The following WDR12 variants were observed in gnomAD, a reference collection of about 807,000 sequenced individuals.
WDR12 encodes ribosome biogenesis protein WDR12.
A neutral mutation model predicts 64.3 loss-of-function variants in WDR12; 42 were observed. The ratio of observed to expected loss-of-function variants is 0.65; its 90% CI spans 0.51 to 0.84. The LOEUF (loss-of-function observed/expected upper bound fraction) is 0.84, where lower values mean the gene tolerates loss of function less well. Ranked by LOEUF, WDR12 falls within the 40% of genes least tolerant of loss-of-function variation. WDR12 has a pLI of 0.00. For synonymous variants in WDR12, 158 were observed against 173.3 expected (o/e 0.91, Z 0.70); for missense variants, 469 against 494.6 (o/e 0.95, Z 0.49).
intron 8 of WDR12, among the ~76,000 whole-genome samples, chr2:202,886,429 C>T (rs754882391): frequency 2.0e-5 from 3 of 150,960 alleles, no homozygotes; most frequent in Non-Finnish European, 3.0e-5. Flanking sequence ...CTGCACTCTA[C>T]CCTGGGCAAC....
intron 1 of WDR12, 66 bp from the exon 2 acceptor site, chr2:202,908,025 AT>A (rs1487527271): frequency 7.1e-7 from 1 of 1,406,260 alleles, no homozygotes; most frequent in African/African-American, 1.4e-5. Flanking sequence ...GCTTTTACGA[AT>A]TCAACATACA....
Position 202,880,097 on chromosome 2 carries a change from TTC to T in WDR12, c.*761_*762del, listed in dbSNP as rs1167031675. Reference sequence around the variant, plus strand: ...ACAGCCTAATTTTCTTGAACATTTATTCTGCCAAAAGGAACTGAATTTCTAAC... The same window carrying T: ...ACAGCCTAATTTTCTTGAACATTTATTGCCAAAAGGAACTGAATTTCTAAC... On this transcript the variant is annotated 3_prime_UTR_variant, in exon 13 of 13. Transcript: ENST00000261015. 1 of 152,212 alleles carries T rather than the reference TTC, an allele frequency of 6.6e-6. No homozygotes were observed. Among genetic ancestry groups the T allele is most frequent in the African/African-American group, 2.4e-5 (1 of 41,462 alleles). 9.4% of individuals were successfully genotyped at this position (152,212 alleles called of 1,614,324 possible).
intron 8 of WDR12, among the ~76,000 whole-genome samples, chr2:202,890,798 A>G (rs1315317063): frequency 6.7e-6 from 1 of 148,292 alleles, no homozygotes; most frequent in Non-Finnish European, 1.5e-5. Context: ...TTTTTTTTTC[A>G]TTGAGCAACA....
At chr2:202,907,137 C>T (rs1297020349) in intron 2 of WDR12, among the ~76,000 whole-genome samples, 5 of 151,896 alleles carry the variant, frequency 3.3e-5, no homozygotes, top group South Asian at 2.1e-4. Flanking sequence ...TTAGTAGAGA[C>T]GGGGTTTCAC....
At chr2:202,897,775 G>A (rs558922902) in intron 4 of WDR12, among the ~76,000 whole-genome samples, 30 of 148,588 alleles carry the variant, frequency 2.0e-4, no homozygotes, top group African/African-American at 5.9e-4. Context: ...TGTAGTCTCA[G>A]CTACTCAGGA....
chr2:202,874,610 G>A lies in WDR12; in HGVS notation c.*6250C>T, dbSNP rs577632481. ...TAAGGATTAGAGGTCTATTGAATCT[G>A]ACATCACACAAAAAGCTCTATTTCT... On this transcript the variant is annotated 3_prime_UTR_variant, in exon 13 of 13. Transcript: ENST00000261015. Among the ~76,000 whole-genome samples the A allele has an allele frequency of 1.4e-4, 21 of 152,300 alleles. No individual in the cohort carries two copies. Among genetic ancestry groups the A allele is most frequent in the Non-Finnish European group, 2.6e-4 (18 of 68,028 alleles).
intron 8 of WDR12, 23 bp downstream of exon 8, chr2:202,892,594 A>C (rs1225502682): frequency 1.2e-5 from 19 of 1,565,788 alleles, no homozygotes; most frequent in Non-Finnish European, 1.5e-5. Context: ...AGGCAAGTAC[A>C]GTCAGTTCTC....
Position 202,882,741 on chromosome 2 carries a change from T to C in WDR12, c.1164A>G (p.Lys388=). 6.2e-7 allele frequency: 1 copy of C among 1,614,106 alleles called. No homozygotes were observed. The highest frequency in any genetic ancestry group is 8.5e-7 in the Non-Finnish European group (1 of 1,179,958). ...TGTCTGTCCAGTCTACACTCAGAAC[T>C]TTGTCTTCATGAGCAGCCAGATCAT... ...PLYDLAAHED[K]VLSVDWTDTG... is the part of the protein sequence containing the mutation. The change falls in exon 12 of 13, where the codon AAA becomes AAG. Residue 388 remains lysine (K), a synonymous_variant. Coordinates refer to ENST00000261015, the MANE Select transcript of WDR12 (RefSeq NM_018256.4).
At chr2:202,895,698 T>A (rs1250075539) in intron 6 of WDR12, among the ~76,000 whole-genome samples, 5 of 149,906 alleles carry the variant, frequency 3.3e-5, no homozygotes, top group Admixed American at 2.0e-4. Context: ...TATTTTTTTT[T>A]TTTTTTTTTT....
chr2:202,890,464 A>G (rs1401771515), intron 8 of WDR12, among the ~76,000 whole-genome samples: 2 of 152,188 alleles, frequency 1.3e-5, no homozygotes, highest in Non-Finnish European at 2.9e-5. Flanking sequence ...TTGAGTATAC[A>G]TATTTATAAA....
At chr2:202,882,579 T>C (rs1687974230) in intron 12 of WDR12, 132 bp downstream of exon 12, 9 of 778,220 alleles carry the variant, frequency 1.2e-5, no homozygotes, top group Non-Finnish European at 1.7e-5. Context: ...CTGCCCACCT[T>C]GGCCTCCCAA....
At chr2:202,907,834 A>T (rs761259751) in intron 2 of WDR12, 31 bp downstream of exon 2, 39 of 1,535,738 alleles carry the variant, frequency 2.5e-5, no homozygotes, top group African/African-American at 4.1e-5. Flanking sequence ...AATTAGGGAC[A>T]CTGTGCCCTC....
At chr2:202,908,057 C>A in intron 1 of WDR12, 98 bp from the exon 2 acceptor site, 1 of 1,037,592 alleles carries the variant, frequency 9.6e-7, no homozygotes. Context: ...AAATAAATGC[C>A]AGACATCCAG....
chr2:202,883,473 A>C, intron 11 of WDR12, 136 bp downstream of exon 11: 1 of 1,086,720 alleles, frequency 9.2e-7, no homozygotes, highest in Non-Finnish European at 1.3e-6. Flanking sequence ...TTTGCATATC[A>C]GTATTTGTCA....
chr2:202,904,735 T>C (rs1359965959), intron 2 of WDR12, among the ~76,000 whole-genome samples: 1 of 152,164 alleles, frequency 6.6e-6, no homozygotes, highest in Non-Finnish European at 1.5e-5. Context: ...CAAGAAAACA[T>C]TGGGGAAACT....
At chr2:202,887,652 G>C (rs1222899213) in intron 8 of WDR12, among the ~76,000 whole-genome samples, 2 of 151,894 alleles carry the variant, frequency 1.3e-5, no homozygotes, top group East Asian at 3.9e-4. Flanking sequence ...ACTTTGGGAG[G>C]CTGAGGCGGG....
In WDR12 at chr2:202,879,445, G is replaced by A. The variant is rs1369183926; in HGVS notation, c.*1415C>T. ...ATCTACTTGTCTTTATTTTGAGATA[G>A]AGTCTGGCTCTGCTGCCCAGGCTGG... On this transcript the variant is annotated 3_prime_UTR_variant, in exon 13 of 13. Transcript: ENST00000261015. 1.3e-5 allele frequency: 2 copies of A among 151,960 alleles called. No individual in the cohort carries two copies. Among genetic ancestry groups the A allele is most frequent in the Non-Finnish European group, 2.9e-5 (2 of 68,016 alleles). The allele number at this position is 151,960 out of a possible 1,614,324, so 9.4% of individuals were successfully genotyped here.
chr2:202,908,545 T>C (rs1688503946), intron 1 of WDR12, among the ~76,000 whole-genome samples: 2 of 152,188 alleles, frequency 1.3e-5, no homozygotes, highest in Admixed American at 6.5e-5. Context: ...ATCAAAACAA[T>C]AGCTAGGAGT....
Position 202,878,233 on chromosome 2 carries a change from C to CT in WDR12, c.*2626dup, listed in dbSNP as rs1166401966. On this transcript the variant is annotated 3_prime_UTR_variant, in exon 13 of 13. Transcript: ENST00000261015. The stretch of plus-strand genomic sequence containing the variant: ...GTCTATGCATCTGATATATAGGCTT[C>CT]TTTATCTTTAACCATCTAGTTTATA... 2 of 152,162 alleles carry CT rather than the reference C, an allele frequency of 1.3e-5. No homozygotes were observed. Among genetic ancestry groups the CT allele is most frequent in the African/African-American group, 2.4e-5 (1 of 41,440 alleles). 9.4% of individuals were successfully genotyped at this position (152,162 alleles called of 1,614,324 possible). A position where few individuals can be genotyped will look rare whatever the true frequency, so the allele number is the denominator to read the frequency against.
Sources: gnomAD v4.1 joint callset for allele counts (sites outside exome capture counted in the v4.1 genomes callset) on GRCh38, gnomAD v4.1.1 for gene constraint, MANE v1.5 for transcripts, NCBI Gene and HGNC (gene_info 2026-07-23, HGNC 2026-07-21) for gene names.